Variants in LUZP2 observed in about 807,000 individuals in gnomAD.
The protein encoded by LUZP2 is leucine zipper protein 2.
In LUZP2, 52 loss-of-function variants were observed where a neutral mutation model predicts 51.6. That is an observed-to-expected ratio of 1.01 (90% CI 0.81 to 1.27). The LOEUF is 1.27. Ranked by LOEUF, LUZP2 falls within the 50% of genes most tolerant of loss-of-function variation. The probability of loss-of-function intolerance (pLI) is 0.00; values close to 1 mark genes in which losing one functional copy is unlikely to be tolerated. For missense variants in LUZP2, 436 were observed against 395.4 expected, an observed-to-expected ratio of 1.10 and a Z score of -0.87; for synonymous variants, 154 against 137.3, an observed-to-expected ratio of 1.12 and a Z score of -0.85.
chr11:24,633,962 G>GTA (rs753189196), intron 1 of LUZP2, among the ~76,000 whole-genome samples: 2 of 140,918 alleles, frequency 1.4e-5, no homozygotes, highest in African/African-American at 5.0e-5. Context: ...GTGTGTGTGT[G>GTA]TGTATATATA....
intron 1 of LUZP2, among the ~76,000 whole-genome samples, chr11:24,602,237 T>TATATATGTAC (rs1853735763): frequency 1.8e-4 from 7 of 39,960 alleles, no homozygotes; most frequent in East Asian, 1.8e-3. Flanking sequence ...CATATATGTG[T>TATATATGTAC]ATATATGTAT....
intron 1 of LUZP2, among the ~76,000 whole-genome samples, chr11:24,513,928 A>G (rs1300560520): frequency 6.6e-6 from 1 of 152,234 alleles, no homozygotes; most frequent in Non-Finnish European, 1.5e-5. Context: ...AGGACCACGT[A>G]AGCATGGAAC....
chr11:24,855,437 A>T (rs1242856608), intron 5 of LUZP2, among the ~76,000 whole-genome samples: 2 of 152,206 alleles, frequency 1.3e-5, no homozygotes, highest in Non-Finnish European at 2.9e-5. Context: ...CCGTAAGGAA[A>T]CTACTAAAAC....
At chr11:24,620,362 CT>C (rs1196661068) in intron 1 of LUZP2, among the ~76,000 whole-genome samples, 2 of 152,038 alleles carry the variant, frequency 1.3e-5, no homozygotes, top group African/African-American at 4.8e-5. Flanking sequence ...GGTATTGAGA[CT>C]CATTTTAAGT....
intron 1 of LUZP2, among the ~76,000 whole-genome samples, chr11:24,502,524 C>T (rs1367961840): frequency 6.7e-6 from 1 of 150,206 alleles, no homozygotes; most frequent in Non-Finnish European, 1.5e-5. Flanking sequence ...CCTGAGATTA[C>T]AGGCGCCTGC....
intron 1 of LUZP2, among the ~76,000 whole-genome samples, chr11:24,694,631 T>C (rs1034484969): frequency 1.3e-5 from 2 of 152,076 alleles, no homozygotes; most frequent in African/African-American, 2.4e-5. Flanking sequence ...CATATGTTTA[T>C]TGCAGCACTG....
At chr11:24,895,292 T>C (rs915564467) in intron 5 of LUZP2, among the ~76,000 whole-genome samples, 2 of 152,038 alleles carry the variant, frequency 1.3e-5, no homozygotes, top group African/African-American at 4.8e-5. Context: ...AACAAGAGGA[T>C]AAAAACTTAA....
chr11:25,038,233 A>G (rs1320144812), intron 9 of LUZP2, among the ~76,000 whole-genome samples: 1 of 152,066 alleles, frequency 6.6e-6, no homozygotes, highest in African/African-American at 2.4e-5. Flanking sequence ...TTTCTGTCTG[A>G]CATAATTTAT....
chr11:24,650,456 C>A (rs898763229), intron 1 of LUZP2, among the ~76,000 whole-genome samples: 1 of 151,852 alleles, frequency 6.6e-6, no homozygotes, highest in African/African-American at 2.4e-5. Flanking sequence ...ATAAAGTGGG[C>A]AACTATTTTG....
chr11:24,734,932 T>C (rs939926008), intron 3 of LUZP2, among the ~76,000 whole-genome samples: 3 of 151,872 alleles, frequency 2.0e-5, no homozygotes, highest in African/African-American at 7.2e-5. Context: ...TCTGGACTAG[T>C]GATCCCTAGA....
At chr11:24,813,486 CAAGAGAGAGAGAGA>C (rs1423830401) in intron 5 of LUZP2, among the ~76,000 whole-genome samples, 1 of 151,902 alleles carries the variant, frequency 6.6e-6, no homozygotes, top group Non-Finnish European at 1.5e-5. Context: ...AAGAATGGAG[CAAGAGAGAGAGAGA>C]AAGAGAGAGA....
intron 7 of LUZP2, among the ~76,000 whole-genome samples, chr11:24,947,889 C>T (rs1243568577): frequency 6.6e-6 from 1 of 151,842 alleles, no homozygotes; most frequent in African/African-American, 2.4e-5. Flanking sequence ...TCTAAATGTT[C>T]TTCTAATGAT....
chr11:24,609,462 A>G (rs997342616), intron 1 of LUZP2, among the ~76,000 whole-genome samples: 1 of 152,156 alleles, frequency 6.6e-6, no homozygotes, highest in African/African-American at 2.4e-5. Flanking sequence ...GCGGTGGCTC[A>G]CTTCTGTAAT....
chr11:25,026,043 CA>C (rs1857481351), intron 9 of LUZP2, among the ~76,000 whole-genome samples: 2 of 147,402 alleles, frequency 1.4e-5, no homozygotes, highest in Non-Finnish European at 3.0e-5. Context: ...ATTGCAAGGA[CA>C]AAAAACCAAA....
chr11:24,909,498 G>A (rs61892107), intron 6 of LUZP2, among the ~76,000 whole-genome samples: 6 of 148,796 alleles, frequency 4.0e-5, no homozygotes, highest in Non-Finnish European at 7.4e-5. Context: ...ATTATTTTGA[G>A]GGAAAAAAAA....
At chr11:24,934,081 G>T (rs559566749) in intron 7 of LUZP2, among the ~76,000 whole-genome samples, 23 of 152,170 alleles carry the variant, frequency 1.5e-4, no homozygotes, top group Non-Finnish European at 2.1e-4. Flanking sequence ...GGCAGGGAAG[G>T]TGTATTGTCA....
At chr11:24,682,592 G>A (rs367589250) in intron 1 of LUZP2, among the ~76,000 whole-genome samples, 2 of 96,954 alleles carry the variant, frequency 2.1e-5, no homozygotes, top group African/African-American at 7.3e-5. Context: ...ATATATGTGT[G>A]TGTGTGTATA....
intron 5 of LUZP2, among the ~76,000 whole-genome samples, chr11:24,802,286 T>C (rs1298108604): frequency 6.6e-6 from 1 of 152,008 alleles, no homozygotes; most frequent in African/African-American, 2.4e-5. Flanking sequence ...TGTTTTATCC[T>C]GTGTGTATAC....
At position 24,539,723 on chromosome 11, in the gene LUZP2, A is replaced by G. The variant is rs536495379; in HGVS notation, c.62+42418A>G. On this transcript the variant is annotated intron_variant, in intron 1 of 11. Coordinates refer to ENST00000336930, the MANE Select transcript of LUZP2 (RefSeq NM_001009909.4). ...AAGTCAATACATTTATTAACCTACA[A>G]TGCCTTTTAGCTGTTACTTAAGCCA... Among the ~76,000 whole-genome samples the G allele has an allele frequency of 4.6e-5, 7 of 152,132 alleles. No individual in the cohort carries two copies. The South Asian group carries it at 1.0e-3, about 22-fold the overall frequency.
Sources: allele counts gnomAD v4.1 joint callset (sites outside exome capture counted in the v4.1 genomes callset), GRCh38; gene constraint gnomAD v4.1.1; transcripts MANE v1.5; gene names NCBI Gene and HGNC (gene_info 2026-07-23, HGNC 2026-07-21).